The following MAGI2 variants were observed in gnomAD, a reference collection of about 807,000 sequenced individuals.
MAGI2 encodes membrane associated guanylate kinase, WW and PDZ domain containing 2, also known as membrane-associated guanylate kinase, WW and PDZ domain-containing protein 2.
In MAGI2, 35 loss-of-function variants were observed where a neutral mutation model predicts 133.3. The observed-to-expected ratio is 0.26, with a 90% CI of 0.20 to 0.35. MAGI2 has a LOEUF of 0.35. Ranked by LOEUF, MAGI2 falls within the 10% of genes least tolerant of loss-of-function variation. The pLI is 1.00. For synonymous variants in MAGI2, 729 were observed against 710.6 expected (o/e 1.03, Z -0.41); for missense variants, 1,636 against 1,863.4 (o/e 0.88, Z 2.25).
At chr7:78,245,970 A>G (rs699331) in intron 10 of MAGI2, among the ~76,000 whole-genome samples, 57,286 of 152,080 alleles carry the variant, frequency 0.38, 14,293 homozygotes, top group African/African-American at 0.71. Flanking sequence ...CTTAGCCACC[A>G]TGGAGCCACC....
intron 1 of MAGI2, among the ~76,000 whole-genome samples, chr7:79,270,869 C>T (rs1431759944): frequency 6.6e-6 from 1 of 152,000 alleles, no homozygotes; most frequent in African/African-American, 2.4e-5. Flanking sequence ...ATACCACTTT[C>T]CCTGTTATTT....
At chr7:79,411,910 A>G (rs895074866) in intron 1 of MAGI2, 9 of 151,776 alleles carry the variant, frequency 5.9e-5, no homozygotes, top group African/African-American at 2.2e-4. Context: ...TTGAAATTCA[A>G]TTGAAAAATT....
At chr7:78,656,909 G>A (rs1270464666) in intron 2 of MAGI2, among the ~76,000 whole-genome samples, 1 of 150,630 alleles carries the variant, frequency 6.6e-6, no homozygotes, top group Non-Finnish European at 1.5e-5. Flanking sequence ...TTGGCAAAAA[G>A]TGTATATGAT....
chr7:78,970,654 GGAGA>G (rs979264159), intron 2 of MAGI2, among the ~76,000 whole-genome samples: 2 of 152,014 alleles, frequency 1.3e-5, no homozygotes, highest in African/African-American at 4.8e-5. Context: ...TTGGCAATCT[GGAGA>G]GAGAGGTAAC....
chr7:78,570,116 G>T (rs1210427523), intron 3 of MAGI2, among the ~76,000 whole-genome samples: 1 of 152,092 alleles, frequency 6.6e-6, no homozygotes. Context: ...CACGTCCTTT[G>T]GTGAACAGAT....
At chr7:79,151,431 T>G (rs1823230150) in intron 1 of MAGI2, among the ~76,000 whole-genome samples, 1 of 152,162 alleles carries the variant, frequency 6.6e-6, no homozygotes, top group African/African-American at 2.4e-5. Flanking sequence ...TAAATTTTGT[T>G]ACGAAAGCTC....
chr7:78,293,081 A>T (rs1463472527), intron 9 of MAGI2, among the ~76,000 whole-genome samples: 1 of 152,222 alleles, frequency 6.6e-6, no homozygotes, highest in Non-Finnish European at 1.5e-5. Flanking sequence ...CAAATTGACA[A>T]ATGGGATCTA....
chr7:78,414,352 A>G (rs2151384505), intron 6 of MAGI2, among the ~76,000 whole-genome samples: 1 of 152,168 alleles, frequency 6.6e-6, no homozygotes, highest in Non-Finnish European at 1.5e-5. Context: ...AGAATTGACT[A>G]ATTTTGTTTA....
At chr7:78,201,924 G>A (rs1829291885) in intron 10 of MAGI2, among the ~76,000 whole-genome samples, 1 of 152,116 alleles carries the variant, frequency 6.6e-6, no homozygotes, top group Non-Finnish European at 1.5e-5. Flanking sequence ...ATAATTAAAA[G>A]TAAAGGATAG....
chr7:78,332,524 C>T (rs1018425469), intron 9 of MAGI2, among the ~76,000 whole-genome samples: 7 of 152,064 alleles, frequency 4.6e-5, no homozygotes, highest in African/African-American at 1.7e-4. Context: ...TGGTGAAATC[C>T]CATCTCTACT....
At chr7:79,393,073 G>A (rs181679955) in intron 1 of MAGI2, among the ~76,000 whole-genome samples, 5 of 152,212 alleles carry the variant, frequency 3.3e-5, no homozygotes, top group Admixed American at 3.3e-4. Flanking sequence ...TTCTCCACTA[G>A]TATCTATTTG....
intron 2 of MAGI2, among the ~76,000 whole-genome samples, chr7:78,892,380 T>A (rs938854159): frequency 5.9e-5 from 9 of 152,154 alleles, no homozygotes; most frequent in African/African-American, 2.2e-4. Flanking sequence ...AAAAAACTAC[T>A]TTAAAGTTCA....
chr7:79,367,858 C>CAT (rs367920302), intron 1 of MAGI2, among the ~76,000 whole-genome samples: 1,260 of 86,954 alleles, frequency 0.014, 127 homozygotes, highest in East Asian at 0.02. Context: ...ATATATGTGA[C>CAT]ATATATATAT....
At chr7:79,166,551 G>A (rs1424217549) in intron 1 of MAGI2, among the ~76,000 whole-genome samples, 1 of 152,120 alleles carries the variant, frequency 6.6e-6, no homozygotes, top group African/African-American at 2.4e-5. Context: ...TTGTGAAATA[G>A]TAAATTTATA....
At chr7:79,097,523 G>A (rs190248359) in intron 1 of MAGI2, among the ~76,000 whole-genome samples, 1 of 152,200 alleles carries the variant, frequency 6.6e-6, no homozygotes, top group East Asian at 1.9e-4. Context: ...CAGAGAGTGG[G>A]GAACCCAGGA....
At chr7:78,430,071 C>G (rs1477048500) in intron 6 of MAGI2, among the ~76,000 whole-genome samples, 1 of 152,048 alleles carries the variant, frequency 6.6e-6, no homozygotes, top group Admixed American at 6.6e-5. Flanking sequence ...AATCATTTGG[C>G]TATCTTGTTA....
intron 2 of MAGI2, among the ~76,000 whole-genome samples, chr7:78,886,819 T>C (rs571762969): frequency 2.0e-5 from 3 of 152,314 alleles, no homozygotes; most frequent in African/African-American, 7.2e-5. Context: ...GTAAATTACA[T>C]GGTGATATGG....
At chr7:78,489,309 T>A (rs1563074538) in intron 6 of MAGI2, among the ~76,000 whole-genome samples, 1 of 152,070 alleles carries the variant, frequency 6.6e-6, no homozygotes, top group Admixed American at 6.6e-5. Context: ...ATTTAAATGC[T>A]TGATTCAAGG....
intron 2 of MAGI2, among the ~76,000 whole-genome samples, chr7:79,002,860 A>AGTGTGTGTGTGTGTGT (rs4021172): frequency 3.7e-5 from 5 of 133,622 alleles, no homozygotes; most frequent in Non-Finnish European, 7.9e-5. Flanking sequence ...TTTATTGAAA[A>AGTGTGTGTGTGTGTGT]GTGTGTGTGT....
Sources: gnomAD v4.1 joint callset for allele counts (sites outside exome capture counted in the v4.1 genomes callset) on GRCh38, gnomAD v4.1.1 for gene constraint, MANE v1.5 for transcripts, NCBI Gene and HGNC (gene_info 2026-07-23, HGNC 2026-07-21) for gene names.